Variants in FAM107B observed in about 807,000 individuals in gnomAD.
The protein encoded by FAM107B is family with sequence similarity 107 member B.
Under a neutral mutation model 31.5 loss-of-function variants are expected in FAM107B, and 21 were observed. That is an observed-to-expected ratio of 0.67 (90% CI 0.47 to 0.96). The LOEUF (loss-of-function observed/expected upper bound fraction) is 0.96, where lower values mean the gene tolerates loss of function less well. Among genes scored for constraint, FAM107B ranks in the 40% least tolerant of loss-of-function variants. FAM107B has a pLI of 0.00. For missense variants in FAM107B, 452 were observed against 377.1 expected, an observed-to-expected ratio of 1.20 and a Z score of -1.64; for synonymous variants, 157 against 141.5, an observed-to-expected ratio of 1.11 and a Z score of -0.78.
At chr10:14,635,848 T>A (rs1274282316) in intron 2 of FAM107B, among the ~76,000 whole-genome samples, 1 of 151,964 alleles carries the variant, frequency 6.6e-6, no homozygotes, top group Non-Finnish European at 1.5e-5. Context: ...GCCAGGATGG[T>A]CTTGAACTCC....
At chr10:14,716,686 G>A (rs1309189365) in intron 1 of FAM107B, among the ~76,000 whole-genome samples, 2 of 152,198 alleles carry the variant, frequency 1.3e-5, no homozygotes, top group Non-Finnish European at 2.9e-5. Context: ...GCGATCACAG[G>A]TTTGAATCTT....
At chr10:14,660,852 A>AGAGATGCTACC (rs1438683488) in intron 2 of FAM107B, among the ~76,000 whole-genome samples, 1 of 152,170 alleles carries the variant, frequency 6.6e-6, no homozygotes, top group Non-Finnish European at 1.5e-5. Flanking sequence ...GAAAAAGGAA[A>AGAGATGCTACC]GAGATGCTAC....
intron 2 of FAM107B, among the ~76,000 whole-genome samples, chr10:14,631,089 T>C (rs1257612480): frequency 6.6e-6 from 1 of 152,184 alleles, no homozygotes; most frequent in Non-Finnish European, 1.5e-5. Context: ...ATTGTACTGA[T>C]CATTACAAAA....
chr10:14,627,125 C>A (rs1853186533), intron 2 of FAM107B, among the ~76,000 whole-genome samples: 1 of 152,092 alleles, frequency 6.6e-6, no homozygotes, highest in Non-Finnish European at 1.5e-5. Context: ...CTGCTAGGCA[C>A]CAATTACCCC....
chr10:14,709,917 G>A (rs568098162), intron 1 of FAM107B, among the ~76,000 whole-genome samples: 1 of 152,114 alleles, frequency 6.6e-6, no homozygotes, highest in Non-Finnish European at 1.5e-5. Context: ...TGGGATATAG[G>A]GGGGAGGAGA....
intron 2 of FAM107B, among the ~76,000 whole-genome samples, chr10:14,589,260 G>A (rs1851943395): frequency 6.6e-6 from 1 of 151,836 alleles, no homozygotes; most frequent in Non-Finnish European, 1.5e-5. Flanking sequence ...GCTGTAGGTT[G>A]GCATAGGACA....
At position 14,522,028 on chromosome 10, in the gene FAM107B, G is replaced by A; in HGVS notation, c.654-9C>T. The A allele has an allele frequency of 6.3e-7, 1 of 1,597,316 alleles. No homozygotes were observed. Among genetic ancestry groups the A allele is most frequent in the Non-Finnish European group, 8.5e-7 (1 of 1,176,038 alleles). On this transcript the variant is annotated splice_polypyrimidine_tract_variant and intron_variant, in intron 3 of 4. Transcript: ENST00000181796. ...TCTGAGGAGCAAGACCCCTGCGAAA[G>A]AGCATTAACAAAAATAGAAAACGTT...
chr10:14,700,057 C>A (rs1303403463), intron 1 of FAM107B, among the ~76,000 whole-genome samples: 1 of 152,094 alleles, frequency 6.6e-6, no homozygotes, highest in Non-Finnish European at 1.5e-5. Flanking sequence ...CTCAGCCTCC[C>A]GAGTAGCTGG....
chr10:14,604,549 G>C (rs12220115), intron 2 of FAM107B: 35,752 of 151,326 alleles, frequency 0.24, 4,825 homozygotes, highest in East Asian at 0.4. Context: ...ATCCAGAAAG[G>C]CCGGGCATCC....
At chr10:14,631,931 C>T (rs1234439787) in intron 2 of FAM107B, among the ~76,000 whole-genome samples, 4 of 152,090 alleles carry the variant, frequency 2.6e-5, no homozygotes, top group East Asian at 1.9e-4. Context: ...GCCATACGAC[C>T]GCACAAGCTT....
chr10:14,654,909 T>C (rs997314136), intron 2 of FAM107B, among the ~76,000 whole-genome samples: 6 of 152,200 alleles, frequency 3.9e-5, no homozygotes, highest in Non-Finnish European at 7.3e-5. Context: ...AGCTTGAGAA[T>C]GCTACCATTT....
In FAM107B at chr10:14,530,316, C is replaced by A; in HGVS notation, c.653+16G>T. 1 of 1,596,218 alleles carries A rather than the reference C, an allele frequency of 6.3e-7. No homozygotes were observed. Among genetic ancestry groups the A allele is most frequent in the South Asian group, 1.2e-5 (1 of 86,374 alleles). ...AGTCCTCTTAAAAAAAAAATATGCT[C>A]AAGAAACCATTTTACCTTTTTTGAT... On this transcript the variant is annotated intron_variant, in intron 3 of 4. Coordinates refer to ENST00000181796, the MANE Select transcript of FAM107B (RefSeq NM_031453.4).
Position 14,521,826 on chromosome 10 carries a change from A to C in FAM107B, c.804+43T>G, listed in dbSNP as rs370182735. 4 of 1,600,634 alleles carry C rather than the reference A, an allele frequency of 2.5e-6. No homozygotes were observed. In the African/African-American group the frequency reaches 4.1e-5, roughly 16 times the overall value. On this transcript the variant is annotated intron_variant, in intron 4 of 4. Coordinates refer to ENST00000181796, the MANE Select transcript of FAM107B (RefSeq NM_031453.4). ...CGCTCCAACACTCCAACATTCTTCA[A>C]GACAAAAACAAAAAAAGACAGCTTC...
At chr10:14,642,614 G>GTTT (rs75077990) in intron 2 of FAM107B, among the ~76,000 whole-genome samples, 4 of 151,586 alleles carry the variant, frequency 2.6e-5, no homozygotes, top group Non-Finnish European at 4.4e-5. Flanking sequence ...TGACCTTGGT[G>GTTT]TTTTTTTTGC....
chr10:14,735,599 G>C (rs1856281150), intron 1 of FAM107B, among the ~76,000 whole-genome samples: 1 of 152,198 alleles, frequency 6.6e-6, no homozygotes, highest in African/African-American at 2.4e-5. Context: ...GCTTTAGAAT[G>C]ACTCTAGGAA....
At chr10:14,624,685 A>G (rs555025456) in intron 2 of FAM107B, among the ~76,000 whole-genome samples, 7 of 152,322 alleles carry the variant, frequency 4.6e-5, no homozygotes, top group African/African-American at 1.7e-4. Context: ...AACGTCCCTG[A>G]GTCCGTTTTC....
intron 1 of FAM107B, among the ~76,000 whole-genome samples, chr10:14,688,911 C>T (rs914477089): frequency 1.3e-5 from 2 of 152,188 alleles, no homozygotes; most frequent in South Asian, 2.1e-4. Context: ...AAGATGTATT[C>T]TTTGGGACAA....
At chr10:14,737,520 A>G (rs559138085) in intron 1 of FAM107B, among the ~76,000 whole-genome samples, 29 of 152,218 alleles carry the variant, frequency 1.9e-4, no homozygotes, top group Middle Eastern at 3.4e-3. Context: ...AGGCTGAGGC[A>G]GAAGAATTGC....
intron 2 of FAM107B, among the ~76,000 whole-genome samples, chr10:14,632,899 T>TA (rs1345576332): frequency 6.6e-6 from 1 of 151,510 alleles, no homozygotes; most frequent in Non-Finnish European, 1.5e-5. Flanking sequence ...AGCAATGATT[T>TA]AAAATCATAC....
Sources: allele counts gnomAD v4.1 joint callset (sites outside exome capture counted in the v4.1 genomes callset), GRCh38; gene constraint gnomAD v4.1.1; transcripts MANE v1.5; gene names NCBI Gene and HGNC (gene_info 2026-07-23, HGNC 2026-07-21).